PVT1: variants seen among roughly 807,000 people sequenced by gnomAD.
PVT1 encodes the protein CXCR4/PVT1 fusion.
intron 4 of PVT1, among the ~76,000 whole-genome samples, chr8:128,043,076 C>G (rs1222770584): frequency 6.6e-6 from 1 of 152,090 alleles, no homozygotes; most frequent in African/African-American, 2.4e-5. Context: ...GGACTAGGTG[C>G]TTTCTAAGGA....
chr8:127,824,708 A>C (rs760039654), intron 2 of PVT1, among the ~76,000 whole-genome samples: 1 of 152,206 alleles, frequency 6.6e-6, no homozygotes, highest in Non-Finnish European at 1.5e-5. Flanking sequence ...TAGTATTTCC[A>C]TGTGTTGTAA....
Position 127,947,950 on chromosome 8 carries a change from T to A in PVT1, n.783-41212T>A, listed in dbSNP as rs559432576. The A allele has an allele frequency of 1.6e-3, 753 of 456,978 alleles. 2 individuals carry two copies. Among genetic ancestry groups the A allele is most frequent in the Non-Finnish European group, 2.9e-3 (652 of 226,904 alleles). 28.3% of individuals were successfully genotyped at this position (456,978 alleles called of 1,614,324 possible). ...AGGAAACTGAGTGCAAAGTGACAGC[T>A]TTTCTGCAGAGCCTGTGCACAGGGG... is the stretch of plus-strand genomic sequence containing the variant. On this transcript the variant is annotated intron_variant and non_coding_transcript_variant, in intron 3 of 10. Coordinates refer to ENST00000651587, the Ensembl canonical transcript of PVT1.
At chr8:127,980,480 T>A (rs1405589662) in intron 3 of PVT1, among the ~76,000 whole-genome samples, 3 of 152,086 alleles carry the variant, frequency 2.0e-5, no homozygotes, top group Non-Finnish European at 4.4e-5. Context: ...GGGCTCAGTG[T>A]TTCCTGGGTT....
rs535461613 is a variant in PVT1 at position 128,066,022 on chromosome 8, A to C, written n.913-4138A>C. On this transcript the variant is annotated intron_variant and non_coding_transcript_variant, in intron 4 of 10. Coordinates refer to ENST00000651587, the Ensembl canonical transcript of PVT1. ...TAAGGCATTTCAGTTAAGATATTTC[A>C]GATAGTGACAATTACTATGAAGAAA... is the stretch of plus-strand genomic sequence containing the variant. Among the ~76,000 whole-genome samples, 4 of 152,392 alleles carry C rather than the reference A, an allele frequency of 2.6e-5. No homozygotes were observed. In the South Asian group the frequency reaches 8.3e-4, roughly 32 times the overall value.
At chr8:127,961,695 C>T (rs1816644766) in intron 3 of PVT1, among the ~76,000 whole-genome samples, 1 of 152,230 alleles carries the variant, frequency 6.6e-6, no homozygotes, top group Non-Finnish European at 1.5e-5. Context: ...TTCTCCAAAC[C>T]ACGGAACAAC....
At chr8:128,042,660 C>A (rs545455227) in intron 4 of PVT1, among the ~76,000 whole-genome samples, 1 of 152,234 alleles carries the variant, frequency 6.6e-6, no homozygotes, top group Admixed American at 6.5e-5. Context: ...CTGGTACTGC[C>A]CTGGCTTGCT....
chr8:128,093,370 A>G (rs1172488625), intron 5 of PVT1, among the ~76,000 whole-genome samples: 1 of 152,008 alleles, frequency 6.6e-6, no homozygotes, highest in African/African-American at 2.4e-5. Flanking sequence ...CCAGCCTGGC[A>G]AACATGGTGA....
chr8:127,943,449 A>G (rs899430918), intron 3 of PVT1, among the ~76,000 whole-genome samples: 1 of 152,220 alleles, frequency 6.6e-6, no homozygotes, highest in African/African-American at 2.4e-5. Context: ...GAAATTGCAA[A>G]GACATAGGTA....
chr8:128,038,717 G>A (rs1586492552), intron 4 of PVT1, among the ~76,000 whole-genome samples: 1 of 152,176 alleles, frequency 6.6e-6, no homozygotes, highest in Non-Finnish European at 1.5e-5. Flanking sequence ...ATGCTCTGCA[G>A]TAGGCTGTGT....
rs1032300940 is a variant in PVT1 at position 128,092,120 on chromosome 8, G to A, written n.1115-4398G>A. On this transcript the variant is annotated intron_variant and non_coding_transcript_variant, in intron 5 of 10. Transcript: ENST00000651587. ...GGCCCAGCTGACCCTCCCAGTGCAG[G>A]GGCTGGGAAGCTGCAAAGAACCCTT... Among the ~76,000 whole-genome samples the A allele has an allele frequency of 3.9e-5, 6 of 152,096 alleles. No individual in the cohort carries two copies. The South Asian group carries it at 1.2e-3, about 32-fold the overall frequency.
intron 4 of PVT1, among the ~76,000 whole-genome samples, chr8:128,015,705 G>A (rs1435814400): frequency 2.0e-5 from 3 of 150,746 alleles, no homozygotes; most frequent in African/African-American, 7.3e-5. Flanking sequence ...CCTGGGAGGC[G>A]GAGGTTGCAG....
intron 2 of PVT1, among the ~76,000 whole-genome samples, chr8:127,867,398 G>A (rs57501227): frequency 0.14 from 22,049 of 152,206 alleles, 1,901 homozygotes; most frequent in East Asian, 0.26. Context: ...AATTTTGTGA[G>A]GGGAATTATC....
In PVT1 at chr8:127,881,811, C is replaced by T. The variant is rs536766858; in HGVS notation, n.373-8778C>T. Among the ~76,000 whole-genome samples, 4 of 152,134 alleles carry T rather than the reference C, an allele frequency of 2.6e-5. No homozygotes were observed. In the South Asian group the frequency reaches 8.3e-4, roughly 32 times the overall value. On this transcript the variant is annotated intron_variant and non_coding_transcript_variant, in intron 2 of 10. Transcript: ENST00000651587. ...TACTTTGTCACCTAGGCTGTTGGCT[C>T]ACTGCAACCTCCACTGACTTCCTGG...
chr8:128,034,192 C>T (rs1158011124), intron 4 of PVT1, among the ~76,000 whole-genome samples: 1 of 151,928 alleles, frequency 6.6e-6, no homozygotes, highest in Admixed American at 6.6e-5. Flanking sequence ...TCTCCTCCTC[C>T]TCTTCTTCCT....
intron 5 of PVT1, among the ~76,000 whole-genome samples, chr8:128,077,514 G>A (rs1434167208): frequency 1.3e-5 from 2 of 152,036 alleles, no homozygotes; most frequent in East Asian, 3.8e-4. Context: ...AATTTTATAA[G>A]CACTGAATCT....
intron 4 of PVT1, among the ~76,000 whole-genome samples, chr8:128,038,133 G>T (rs1813486897): frequency 1.3e-5 from 2 of 152,166 alleles, no homozygotes; most frequent in African/African-American, 4.8e-5. Context: ...GAAATTTCTG[G>T]TAGACTTCTT....
chr8:128,088,886 G>T (rs1814312036), intron 5 of PVT1, among the ~76,000 whole-genome samples: 1 of 152,246 alleles, frequency 6.6e-6, no homozygotes, highest in Admixed American at 6.5e-5. Context: ...TCTTCACTCT[G>T]CAGTGAGCTC....
At chr8:128,077,286 A>G (rs1049801886) in intron 5 of PVT1, among the ~76,000 whole-genome samples, 1 of 152,122 alleles carries the variant, frequency 6.6e-6, no homozygotes, top group African/African-American at 2.4e-5. Context: ...AACACCCCTT[A>G]GTTAAGTGTT....
At chr8:127,886,279 A>G (rs998082740) in intron 2 of PVT1, among the ~76,000 whole-genome samples, 44 of 152,088 alleles carry the variant, frequency 2.9e-4, no homozygotes, top group Non-Finnish European at 1.3e-4. Context: ...CAGTTCAACT[A>G]TTATATACTT....
Sources: allele counts gnomAD v4.1 joint callset (sites outside exome capture counted in the v4.1 genomes callset), GRCh38; gene constraint gnomAD v4.1.1; transcripts MANE v1.5; gene names NCBI Gene and HGNC (gene_info 2026-07-23, HGNC 2026-07-21).